The following PVT1 variants were observed in gnomAD, a reference collection of about 807,000 sequenced individuals.
PVT1 encodes CXCR4/PVT1 fusion.
At chr8:127,933,203 G>A (rs1244322651) in intron 3 of PVT1, among the ~76,000 whole-genome samples, 1 of 152,178 alleles carries the variant, frequency 6.6e-6, no homozygotes, top group Non-Finnish European at 1.5e-5. Flanking sequence ...AGCCACTGGA[G>A]TAGCTGGGAT....
At chr8:127,984,837 TTTTCTTTCTTTCTTTCTTTCTTTCTTTC>T (rs71300287) in intron 3 of PVT1, among the ~76,000 whole-genome samples, 1,476 of 81,258 alleles carry the variant, frequency 0.018, 50 homozygotes, top group Non-Finnish European at 0.02. Flanking sequence ...CTTTCTTTTC[TTTTCTTTCTTTCTTTCTTTCTTTCTTTC>T]TTTCTTTCTT....
chr8:127,954,531 G>A (rs1816546133), intron 3 of PVT1, among the ~76,000 whole-genome samples: 1 of 152,126 alleles, frequency 6.6e-6, no homozygotes, highest in African/African-American at 2.4e-5. Context: ...TTGACCTTGT[G>A]ATCCACCCGC....
intron 3 of PVT1, among the ~76,000 whole-genome samples, chr8:127,970,304 T>TTTTTTG: frequency 7.8e-6 from 1 of 127,872 alleles, no homozygotes; most frequent in Non-Finnish European, 1.7e-5. Flanking sequence ...TTTTTTTTTT[T>TTTTTTG]TTTTTTTTTT....
chr8:128,006,878 G>C (rs1427886429), intron 4 of PVT1, among the ~76,000 whole-genome samples: 2 of 152,152 alleles, frequency 1.3e-5, no homozygotes, highest in African/African-American at 4.8e-5. Context: ...CCATTTTACT[G>C]TTGTTTTTTG....
intron 5 of PVT1, among the ~76,000 whole-genome samples, chr8:128,085,254 C>T (rs962848528): frequency 3.3e-5 from 5 of 152,088 alleles, no homozygotes; most frequent in African/African-American, 1.2e-4. Context: ...ACATGTAGGC[C>T]CTCTGCACCT....
chr8:127,798,768 C>T (rs914533772), intron 2 of PVT1, among the ~76,000 whole-genome samples: 6 of 150,186 alleles, frequency 4.0e-5, no homozygotes, highest in African/African-American at 9.8e-5. Context: ...CCTAGCTACT[C>T]GGGAGGCTGA....
At chr8:127,801,115 G>A (rs958318816) in intron 2 of PVT1, among the ~76,000 whole-genome samples, 2 of 152,202 alleles carry the variant, frequency 1.3e-5, no homozygotes, top group African/African-American at 4.8e-5. Flanking sequence ...TGAGAATGGC[G>A]TGAGCAAGGG....
At chr8:128,063,150 C>T (rs1813852749) in intron 4 of PVT1, among the ~76,000 whole-genome samples, 1 of 152,092 alleles carries the variant, frequency 6.6e-6, no homozygotes, top group Non-Finnish European at 1.5e-5. Flanking sequence ...CCATGAAAAC[C>T]AGCACTCAGC....
intron 2 of PVT1, among the ~76,000 whole-genome samples, chr8:127,870,542 C>T (rs1362521335): frequency 1.3e-5 from 2 of 152,122 alleles, no homozygotes; most frequent in African/African-American, 4.8e-5. Context: ...GGAAGTGGAG[C>T]GGGAGAATGA....
chr8:127,817,412 AT>A lies in PVT1; in HGVS notation n.372+21344del, dbSNP rs577747448. ...ATTTAATATATATTAAATAATATAT[AT>A]TTAAATAGATATATATATATTACAG... On this transcript the variant is annotated intron_variant and non_coding_transcript_variant, in intron 2 of 10. Transcript: ENST00000651587. Among the ~76,000 whole-genome samples the A allele has an allele frequency of 4.7e-3, 518 of 111,246 alleles. 3 individuals carry two copies. The highest frequency in any genetic ancestry group is 0.016 in the African/African-American group (424 of 26,856). The allele number at this position is 111,246 out of a possible 152,430, so 73.0% of individuals were successfully genotyped here.
chr8:127,919,422 A>G (rs1427916333), intron 3 of PVT1, among the ~76,000 whole-genome samples: 2 of 152,182 alleles, frequency 1.3e-5, no homozygotes, highest in African/African-American at 4.8e-5. Flanking sequence ...ACTTAGCGAC[A>G]CAGTCTGTTT....
intron 2 of PVT1, among the ~76,000 whole-genome samples, chr8:127,831,046 G>GTA (rs1384035564): frequency 1.0e-5 from 1 of 98,534 alleles, no homozygotes; most frequent in African/African-American, 3.3e-5. Flanking sequence ...ATACATACGT[G>GTA]TGTGTGTGTG....
intron 4 of PVT1, among the ~76,000 whole-genome samples, chr8:128,041,803 GT>G (rs1813549210): frequency 6.6e-6 from 1 of 152,156 alleles, no homozygotes; most frequent in Admixed American, 6.5e-5. Flanking sequence ...CCTTAAAACA[GT>G]TTGGATGTCA....
intron 5 of PVT1, among the ~76,000 whole-genome samples, chr8:128,070,685 A>G (rs1037188011): frequency 6.6e-5 from 10 of 152,130 alleles, no homozygotes; most frequent in Non-Finnish European, 1.5e-4. Flanking sequence ...TTAGGGAAGA[A>G]AATTTTCCCC....
At chr8:127,968,961 GC>G (rs747457708) in intron 3 of PVT1, among the ~76,000 whole-genome samples, 12 of 152,136 alleles carry the variant, frequency 7.9e-5, no homozygotes, top group Non-Finnish European at 1.2e-4. Context: ...AGACAGCACG[GC>G]CCTGCTGTCC....
intron 5 of PVT1, among the ~76,000 whole-genome samples, chr8:128,090,101 T>C (rs1814331871): frequency 6.6e-6 from 1 of 152,200 alleles, no homozygotes; most frequent in African/African-American, 2.4e-5. Context: ...ACTCAATCTA[T>C]GGGATGGGGA....
intron 4 of PVT1, among the ~76,000 whole-genome samples, chr8:128,067,086 C>A (rs1586505472): frequency 6.6e-6 from 1 of 152,170 alleles, no homozygotes; most frequent in Non-Finnish European, 1.5e-5. Flanking sequence ...CTCTCCTGAA[C>A]CCAGACCACA....
intron 2 of PVT1, among the ~76,000 whole-genome samples, chr8:127,820,348 T>A (rs370983801): frequency 6.6e-6 from 1 of 152,218 alleles, no homozygotes; most frequent in South Asian, 2.1e-4. Flanking sequence ...GTTTTCATTG[T>A]TGGAGTAATA....
At chr8:127,847,068 T>A (rs1815044031) in intron 2 of PVT1, among the ~76,000 whole-genome samples, 1 of 146,158 alleles carries the variant, frequency 6.8e-6, no homozygotes, top group African/African-American at 2.6e-5. Flanking sequence ...AGTGGTGAGA[T>A]CTCAGCTCAC....
Sources: allele counts gnomAD v4.1 joint callset (sites outside exome capture counted in the v4.1 genomes callset), GRCh38; gene constraint gnomAD v4.1.1; transcripts MANE v1.5; gene names NCBI Gene and HGNC (gene_info 2026-07-23, HGNC 2026-07-21).